The following BZW2 variants were observed in gnomAD, a reference collection of about 807,000 sequenced individuals.
The protein encoded by BZW2 is basic leucine zipper and W2 domains 2.
BZW2 carries 23 observed loss-of-function variants against 53.2 expected under a neutral mutation model. The observed-to-expected ratio is 0.43, with a 90% CI of 0.31 to 0.61. The LOEUF is 0.61. Ranked by LOEUF, BZW2 falls within the 20% of genes least tolerant of loss-of-function variation. The probability of loss-of-function intolerance (pLI) is 0.09; values close to 1 mark genes in which losing one functional copy is unlikely to be tolerated. For missense variants in BZW2, 409 were observed against 503.1 expected, an observed-to-expected ratio of 0.81 and a Z score of 1.79; for synonymous variants, 227 against 186.4, an observed-to-expected ratio of 1.22 and a Z score of -1.77.
intron 8 of BZW2, chr7:16,695,958 C>T (rs1783470706): frequency 6.6e-6 from 1 of 152,122 alleles, no homozygotes; most frequent in Non-Finnish European, 1.5e-5. Flanking sequence ...ACATAAAAAG[C>T]CTTGTGATGC....
At chr7:16,654,223 C>G (rs991538728) in intron 1 of BZW2, among the ~76,000 whole-genome samples, 2 of 151,534 alleles carry the variant, frequency 1.3e-5, no homozygotes, top group Non-Finnish European at 2.9e-5. Flanking sequence ...GAGTAAGACT[C>G]TGTCTCAAAA....
intron 1 of BZW2, among the ~76,000 whole-genome samples, chr7:16,655,112 G>C (rs1054140283): frequency 3.9e-4 from 60 of 152,010 alleles, no homozygotes; most frequent in African/African-American, 1.5e-3. Flanking sequence ...TTTTTCAATG[G>C]ATTAGACTCT....
chr7:16,701,535 A>T (rs747363236), intron 10 of BZW2, among the ~76,000 whole-genome samples: 1 of 152,156 alleles, frequency 6.6e-6, no homozygotes, highest in Non-Finnish European at 1.5e-5. Flanking sequence ...CATTCCTAAT[A>T]AAAAAATTTC....
chr7:16,669,274 C>T (rs1583714189), intron 2 of BZW2, among the ~76,000 whole-genome samples: 1 of 151,938 alleles, frequency 6.6e-6, no homozygotes, highest in Non-Finnish European at 1.5e-5. Flanking sequence ...TACAGGCGTG[C>T]ACCACCACAC....
intron 1 of BZW2, among the ~76,000 whole-genome samples, chr7:16,651,684 C>T (rs1418521048): frequency 1.3e-5 from 2 of 152,062 alleles, no homozygotes; most frequent in Non-Finnish European, 2.9e-5. Flanking sequence ...TCCTATAGTG[C>T]TAGAAATTAT....
chr7:16,681,220 A>G, intron 3 of BZW2, 81 bp from the exon 4 acceptor site: 3 of 1,100,762 alleles, frequency 2.7e-6, no homozygotes, highest in Non-Finnish European at 4.0e-6. Context: ...ATTTTCTTTC[A>G]TTTGCCAGAA....
chr7:16,668,885 G>A (rs1356836626), intron 2 of BZW2, among the ~76,000 whole-genome samples: 6 of 152,150 alleles, frequency 3.9e-5, no homozygotes, highest in African/African-American at 1.4e-4. Flanking sequence ...ATTCTCCAAA[G>A]TAATTATGTT....
At chr7:16,699,414 G>T (rs1783601445) in intron 10 of BZW2, among the ~76,000 whole-genome samples, 1 of 152,126 alleles carries the variant, frequency 6.6e-6, no homozygotes, top group Non-Finnish European at 1.5e-5. Context: ...ACGAGAAGTG[G>T]GGCCCAACCT....
At chr7:16,656,473 A>G (rs1454770295) in intron 1 of BZW2, among the ~76,000 whole-genome samples, 3 of 151,938 alleles carry the variant, frequency 2.0e-5, no homozygotes, top group South Asian at 2.1e-4. Flanking sequence ...ATGTAGTTAT[A>G]TTTTTAAAAA....
chr7:16,661,818 G>T (rs1424308347), intron 1 of BZW2, among the ~76,000 whole-genome samples: 1 of 152,102 alleles, frequency 6.6e-6, no homozygotes, highest in African/African-American at 2.4e-5. Flanking sequence ...TATTTTGTGT[G>T]TGGCTTATAG....
intron 1 of BZW2, among the ~76,000 whole-genome samples, chr7:16,654,932 A>T (rs1782084317): frequency 6.6e-6 from 1 of 152,184 alleles, no homozygotes; most frequent in African/African-American, 2.4e-5. Flanking sequence ...ATTCTATAAT[A>T]TACATGATGA....
chr7:16,652,188 C>G (rs1781998314), intron 1 of BZW2, among the ~76,000 whole-genome samples: 1 of 152,192 alleles, frequency 6.6e-6, no homozygotes, highest in African/African-American at 2.4e-5. Flanking sequence ...AGCTTAGGGA[C>G]TGGGCTTACA....
chr7:16,705,334 G>C (rs1182409444), intron 11 of BZW2, among the ~76,000 whole-genome samples: 1 of 151,304 alleles, frequency 6.6e-6, no homozygotes, highest in Non-Finnish European at 1.5e-5. Flanking sequence ...CGCCAGCCTG[G>C]ATGACAGAGC....
intron 1 of BZW2, among the ~76,000 whole-genome samples, chr7:16,656,842 A>G (rs1275839248): frequency 6.6e-6 from 1 of 152,180 alleles, no homozygotes; most frequent in Non-Finnish European, 1.5e-5. Context: ...ATTAGCTATT[A>G]TCCTTAGTTA....
chr7:16,672,735 C>G (rs1212484521), intron 2 of BZW2, among the ~76,000 whole-genome samples: 3 of 152,146 alleles, frequency 2.0e-5, no homozygotes, highest in Non-Finnish European at 4.4e-5. Context: ...CACTTCTTAT[C>G]AACAGTATAT....
chr7:16,650,640 A>G (rs1453380438), intron 1 of BZW2, among the ~76,000 whole-genome samples: 2 of 152,224 alleles, frequency 1.3e-5, no homozygotes, highest in Non-Finnish European at 2.9e-5. Flanking sequence ...CCTTTATAAC[A>G]TGTCATCCTA....
intron 10 of BZW2, among the ~76,000 whole-genome samples, chr7:16,699,317 A>G (rs939107384): frequency 1.3e-5 from 2 of 152,118 alleles, no homozygotes; most frequent in East Asian, 3.9e-4. Flanking sequence ...ACTAGGCCCC[A>G]CCCAATGATA....
chr7:16,668,108 C>T (rs919530015), intron 2 of BZW2, among the ~76,000 whole-genome samples: 4 of 152,186 alleles, frequency 2.6e-5, no homozygotes, highest in East Asian at 1.9e-4. Flanking sequence ...GGCACAGAAA[C>T]GTTGGCTATT....
chr7:16,681,466 C>T, intron 4 of BZW2, 62 bp downstream of exon 4: 1 of 1,314,862 alleles, frequency 7.6e-7, no homozygotes, highest in Non-Finnish European at 1.1e-6. Flanking sequence ...TATAGAAGCT[C>T]TACAGTCCAC....
Sources: allele counts gnomAD v4.1 joint callset (sites outside exome capture counted in the v4.1 genomes callset), GRCh38; gene constraint gnomAD v4.1.1; transcripts MANE v1.5; gene names NCBI Gene and HGNC (gene_info 2026-07-23, HGNC 2026-07-21).